Variants in ISM1 observed in about 807,000 individuals in gnomAD.
The protein encoded by ISM1 is isthmin-1.
In ISM1, 25 loss-of-function variants were observed where a neutral mutation model predicts 46.3. The ratio of observed to expected loss-of-function variants is 0.54; its 90% CI spans 0.39 to 0.75. The LOEUF is 0.75. ISM1 is among the 30% of genes least tolerant of loss of function. The pLI, the probability that ISM1 is intolerant of heterozygous loss-of-function variation, is 0.00. For missense variants in ISM1, 536 were observed against 625.4 expected (o/e 0.86, Z 1.52); for synonymous variants, 255 against 256.7 (o/e 0.99, Z 0.06).
intron 1 of ISM1, among the ~76,000 whole-genome samples, chr20:13,251,069 T>A (rs1341654013): frequency 1.3e-5 from 2 of 152,218 alleles, no homozygotes; most frequent in Non-Finnish European, 2.9e-5. Flanking sequence ...ATACCTTAGC[T>A]GTTCTGCTCC....
intron 2 of ISM1, among the ~76,000 whole-genome samples, chr20:13,277,780 AGAG>A (rs1250374497): frequency 6.6e-6 from 1 of 152,114 alleles, no homozygotes; most frequent in Non-Finnish European, 1.5e-5. Flanking sequence ...GTCCCGTGAC[AGAG>A]GAGAAGGGTG....
intron 2 of ISM1, among the ~76,000 whole-genome samples, chr20:13,272,766 G>A (rs1339786554): frequency 6.6e-6 from 1 of 152,232 alleles, no homozygotes; most frequent in Non-Finnish European, 1.5e-5. Context: ...TTTGGAATAG[G>A]TGCAGATTGG....
intron 1 of ISM1, among the ~76,000 whole-genome samples, chr20:13,235,004 T>C (rs944357756): frequency 1.3e-5 from 2 of 152,220 alleles, no homozygotes; most frequent in Non-Finnish European, 2.9e-5. Context: ...TTCTTGCAAG[T>C]TGCAGGTCCC....
rs753623865 is a variant in ISM1, at chr20:13,279,811, G to A, written c.556G>A (p.Asp186Asn). The A allele has an allele frequency of 1.2e-5, 20 of 1,613,908 alleles. No individual in the cohort carries two copies. The highest frequency in any genetic ancestry group is 1.0e-4 in the Admixed American group (6 of 60,002). ...QDYKYDSTSD[D>N]SNFLNPPRGW... is the part of the protein sequence containing the mutation. ...CTACAAGTACGACAGTACCTCAGACGACAGCAACTTCCTCAACCCCCCCAG... is the reference window on the plus strand; with the variant it reads ...CTACAAGTACGACAGTACCTCAGACAACAGCAACTTCCTCAACCCCCCCAG... The change falls in exon 3 of 6, where the codon GAC (aspartate) becomes AAC (asparagine). Residue 186 changes from aspartate (D) to asparagine (N), a missense_variant. Physicochemically the swap from Asp to Asn is conservative, Grantham distance 23. This residue lies in a region of ISM1 where 367 missense variants were observed against 376.1 expected (regional missense o/e 0.98). Transcript: ENST00000262487.
At chr20:13,321,247 C>A in the ISM1 span, among the ~76,000 whole-genome samples, 1 of 77,116 alleles carries the variant, frequency 1.3e-5, no homozygotes, top group Non-Finnish European at 2.5e-5. Context: ...AGTCATGTGC[C>A]CCACATAAAA....
rs768392760 is a variant in ISM1 at position 13,279,774 on chromosome 20, C to T, written c.519C>T (p.Ser173=). Residue 173 remains serine, a synonymous_variant, in exon 3 of 6, where the codon AGC becomes AGT. Coordinates refer to ENST00000262487, the MANE Select transcript of ISM1 (RefSeq NM_080826.2). ...QRSLSLARAN[S]GDQDYKYDST... ...CCCTGTCCTTGGCCAGGGCAAACAG[C>T]GGGGACCAGGACTACAAGTACGACA... The T allele has an allele frequency of 8.7e-6, 14 of 1,614,016 alleles. No homozygotes were observed. In the East Asian group the frequency reaches 2.2e-4, roughly 26 times the overall value.
chr20:13,273,977 T>C (rs2040144727), intron 2 of ISM1, among the ~76,000 whole-genome samples: 2 of 152,128 alleles, frequency 1.3e-5, no homozygotes, highest in Admixed American at 6.5e-5. Flanking sequence ...AAAATGTTAG[T>C]ATTGGTCACT....
intron 2 of ISM1, among the ~76,000 whole-genome samples, chr20:13,272,762 ATAG>A (rs1272319220): frequency 6.6e-6 from 1 of 152,204 alleles, no homozygotes; most frequent in Non-Finnish European, 1.5e-5. Flanking sequence ...ACCCTTTGGA[ATAG>A]GTGCAGATTG....
At chr20:13,309,668 C>T in the ISM1 span, among the ~76,000 whole-genome samples, 3 of 152,078 alleles carry the variant, frequency 2.0e-5, no homozygotes, top group African/African-American at 7.2e-5. Context: ...TCTCTGTTTG[C>T]AGATGGTATT....
intron 3 of ISM1, among the ~76,000 whole-genome samples, chr20:13,283,803 A>G (rs2040263089): frequency 6.6e-6 from 1 of 152,252 alleles, no homozygotes; most frequent in Admixed American, 6.5e-5. Context: ...GTTAGGACCC[A>G]GTTGAAATTC....
At chr20:13,287,649 G>T (rs1279105047) in intron 3 of ISM1, among the ~76,000 whole-genome samples, 1 of 152,042 alleles carries the variant, frequency 6.6e-6, no homozygotes, top group Non-Finnish European at 1.5e-5. Context: ...TTCCTCCAAG[G>T]CAAGGATCTT....
intron 1 of ISM1, among the ~76,000 whole-genome samples, chr20:13,234,807 G>T (rs999745960): frequency 1.3e-5 from 2 of 152,096 alleles, no homozygotes; most frequent in Admixed American, 6.6e-5. Context: ...AGGTCATTTG[G>T]TTTTTTCTTG....
the ISM1 span, among the ~76,000 whole-genome samples, chr20:13,317,413 A>C: frequency 6.6e-6 from 1 of 151,898 alleles, no homozygotes; most frequent in Non-Finnish European, 1.5e-5. Flanking sequence ...AATCCCAACA[A>C]GTTATTTCAT....
At chr20:13,285,302 TAAAA>T (rs1424916462) in intron 3 of ISM1, among the ~76,000 whole-genome samples, 1 of 142,050 alleles carries the variant, frequency 7.0e-6, no homozygotes, top group African/African-American at 2.7e-5. Context: ...GCTTAAAAAA[TAAAA>T]AAGAAAGGAA....
intron 1 of ISM1, among the ~76,000 whole-genome samples, chr20:13,233,530 G>A (rs138693820): frequency 2.4e-4 from 36 of 151,358 alleles, no homozygotes; most frequent in African/African-American, 8.5e-4. Context: ...GGGAGCTAGA[G>A]GTTGCAATGA....
the ISM1 span, among the ~76,000 whole-genome samples, chr20:13,321,707 C>T: frequency 2.0e-5 from 3 of 152,302 alleles, no homozygotes; most frequent in African/African-American, 7.2e-5. Flanking sequence ...ACATTCAACT[C>T]CCTCCCATAT....
intron 1 of ISM1, among the ~76,000 whole-genome samples, chr20:13,237,441 T>C (rs2039664501): frequency 6.6e-6 from 1 of 152,184 alleles, no homozygotes; most frequent in African/African-American, 2.4e-5. Flanking sequence ...AAATGTAATG[T>C]TGAGTGAAGG....
At chr20:13,239,417 G>C (rs928562251) in intron 1 of ISM1, 1 of 152,216 alleles carries the variant, frequency 6.6e-6, no homozygotes, top group Non-Finnish European at 1.5e-5. Context: ...TCCATCTGCA[G>C]GGTCCTCCCT....
At chr20:13,295,089 C>T (rs2040394040) in intron 5 of ISM1, among the ~76,000 whole-genome samples, 1 of 152,158 alleles carries the variant, frequency 6.6e-6, no homozygotes, top group African/African-American at 2.4e-5. Flanking sequence ...CCACCCACAC[C>T]ACCACCAGCC....
Sources: allele counts gnomAD v4.1 joint callset (sites outside exome capture counted in the v4.1 genomes callset), GRCh38; gene constraint gnomAD v4.1.1; regional missense constraint gnomAD v4.1.1; transcripts MANE v1.5; gene names NCBI Gene and HGNC (gene_info 2026-07-23, HGNC 2026-07-21).